The following LCP1 variants were observed in gnomAD, a reference collection of about 807,000 sequenced individuals.
LCP1 encodes the protein lymphocyte cytosolic protein 1.
A neutral mutation model predicts 72.0 loss-of-function variants in LCP1; 23 were observed. The observed-to-expected ratio is 0.32, with a 90% confidence interval of 0.23 to 0.45. The LOEUF (loss-of-function observed/expected upper bound fraction) is 0.45, where lower values mean the gene tolerates loss of function less well. Among genes scored for constraint, LCP1 ranks in the 20% least tolerant of loss-of-function variants. The pLI is 1.00. For synonymous variants in LCP1, 245 were observed against 275.4 expected (o/e 0.89, Z 1.09); for missense variants, 571 against 748.3 (o/e 0.76, Z 2.76).
chr13:46,162,279 C>G (rs1370042450), intron 1 of LCP1, among the ~76,000 whole-genome samples: 1 of 128,228 alleles, frequency 7.8e-6, no homozygotes, highest in Non-Finnish European at 1.6e-5. Flanking sequence ...CCCCCTCCCC[C>G]TCCCTCTCCC....
intron 10 of LCP1, 123 bp downstream of exon 10, chr13:46,146,785 G>A (rs2045733194): frequency 1.2e-5 from 11 of 945,710 alleles, no homozygotes; most frequent in Middle Eastern, 2.4e-4. Context: ...TTGCATACCA[G>A]AGAATTAATG....
chr13:46,147,376 T>A (rs750285917), intron 9 of LCP1, among the ~76,000 whole-genome samples: 1 of 152,234 alleles, frequency 6.6e-6, no homozygotes, highest in Non-Finnish European at 1.5e-5. Flanking sequence ...TCAAAAGAGA[T>A]GCAGTAGATT....
At chr13:46,154,741 A>G (rs1455111884) in intron 6 of LCP1, 64 bp downstream of exon 6, 2 of 1,353,986 alleles carry the variant, frequency 1.5e-6, no homozygotes, top group Non-Finnish European at 2.1e-6. Context: ...AGGCGGACTC[A>G]GCAGTTATGA....
chr13:46,159,073 G>T, intron 2 of LCP1, 84 bp from the exon 3 acceptor site: 1 of 1,248,388 alleles, frequency 8.0e-7, no homozygotes. Context: ...GATGGAAGGT[G>T]AAGGGACGAG....
chr13:46,156,891 G>C (rs148043429), intron 4 of LCP1, among the ~76,000 whole-genome samples: 1 of 149,496 alleles, frequency 6.7e-6, no homozygotes, highest in Non-Finnish European at 1.5e-5. Flanking sequence ...GCGCGATCTC[G>C]GCTCACTGCA....
At chr13:46,146,756 A>G (rs1772016045) in intron 10 of LCP1, 152 bp downstream of exon 10, 1 of 758,012 alleles carries the variant, frequency 1.3e-6, no homozygotes, top group Non-Finnish European at 2.3e-6. Flanking sequence ...TGACTTGATG[A>G]ATCTATTTAT....
chr13:46,148,783 T>G, intron 8 of LCP1: 1 of 880,804 alleles, frequency 1.1e-6, no homozygotes, highest in Non-Finnish European at 1.4e-6. Context: ...TATATATACC[T>G]TTATATTGCT....
At chr13:46,140,829 TG>T (rs1452697484) in intron 13 of LCP1, among the ~76,000 whole-genome samples, 1 of 152,128 alleles carries the variant, frequency 6.6e-6, no homozygotes, top group African/African-American at 2.4e-5. Flanking sequence ...GTACACTGGA[TG>T]GAGTTAATGG....
intron 13 of LCP1, among the ~76,000 whole-genome samples, chr13:46,135,462 T>G (rs2045659414): frequency 6.6e-6 from 1 of 152,216 alleles, no homozygotes; most frequent in African/African-American, 2.4e-5. Flanking sequence ...TTCCTGCTCC[T>G]ATGGACAGTA....
At chr13:46,128,344 A>G (rs2045612469) in intron 15 of LCP1, among the ~76,000 whole-genome samples, 1 of 152,170 alleles carries the variant, frequency 6.6e-6, no homozygotes, top group Non-Finnish European at 1.5e-5. Flanking sequence ...CACGCCTGTA[A>G]TCCCAACACT....
chr13:46,146,374 A>G (rs1369075847), intron 10 of LCP1, among the ~76,000 whole-genome samples: 5 of 152,244 alleles, frequency 3.3e-5, no homozygotes, highest in Admixed American at 3.3e-4. Flanking sequence ...TCTACCTGGT[A>G]GAACGTAATT....
rs74074069 is a variant in LCP1, at chr13:46,176,497, A to T, written c.-25+5614T>A. 5.6e-3 allele frequency among the ~76,000 whole-genome samples: 858 copies of T among 152,336 alleles called. 9 individuals are homozygous for T. The highest frequency in any genetic ancestry group is 0.02 in the African/African-American group (822 of 41,568). On this transcript the variant is annotated intron_variant, in intron 1 of 15. Transcript: ENST00000323076. ...CCACTTCTAATTTTAAACTTTGCCTAAGGAATGCTGAATAGGGAAAATATG... is the reference window on the plus strand; with the variant it reads ...CCACTTCTAATTTTAAACTTTGCCTTAGGAATGCTGAATAGGGAAAATATG...
At chr13:46,152,183 TTCTC>T (rs570037980) in intron 7 of LCP1, among the ~76,000 whole-genome samples, 40 of 152,132 alleles carry the variant, frequency 2.6e-4, no homozygotes, top group African/African-American at 5.3e-4. Flanking sequence ...CTTTCTTCAT[TTCTC>T]TCTCTATCTC....
At chr13:46,181,864 C>A (rs1008593063) in intron 1 of LCP1, among the ~76,000 whole-genome samples, 1 of 152,146 alleles carries the variant, frequency 6.6e-6, no homozygotes, top group African/African-American at 2.4e-5. Context: ...TAATTTTGGG[C>A]AGGGGTGATA....
chr13:46,177,924 T>TA (rs34261721), intron 1 of LCP1, among the ~76,000 whole-genome samples: 84,350 of 151,710 alleles, frequency 0.56, 23,628 homozygotes, highest in East Asian at 0.77. Flanking sequence ...ATAATTTGTT[T>TA]ATAAAAGCAC....
chr13:46,178,462 C>T (rs1464702635), intron 1 of LCP1, among the ~76,000 whole-genome samples: 2 of 152,132 alleles, frequency 1.3e-5, no homozygotes, highest in Admixed American at 1.3e-4. Flanking sequence ...ACGGCCACAG[C>T]AGCTATAGGG....
At chr13:46,162,146 T>G (rs899965887) in intron 1 of LCP1, among the ~76,000 whole-genome samples, 2 of 151,940 alleles carry the variant, frequency 1.3e-5, no homozygotes, top group African/African-American at 4.8e-5. Flanking sequence ...CCCAAGTCTT[T>G]TCTCCTCTCC....
Position 46,127,573 on chromosome 13 carries a change from A to C in LCP1, c.*18T>G. 1 of 1,613,814 alleles carries C rather than the reference A, an allele frequency of 6.2e-7. No homozygotes were observed. Among genetic ancestry groups the C allele is most frequent in the Non-Finnish European group, 8.5e-7 (1 of 1,179,912 alleles). ...GTCAGGAGTGAGTGCACCGCCTCCC[A>C]CCCAGCCCCATTGGGCCTCACACCC... is the stretch of plus-strand genomic sequence containing the variant. On this transcript the variant is annotated 3_prime_UTR_variant, in exon 16 of 16. Transcript: ENST00000323076.
chr13:46,153,472 G>A (rs1197202853), intron 6 of LCP1, among the ~76,000 whole-genome samples: 1 of 152,108 alleles, frequency 6.6e-6, no homozygotes, highest in Non-Finnish European at 1.5e-5. Flanking sequence ...AGGTCAAGGC[G>A]GGTGGATCAC....
Sources: allele counts gnomAD v4.1 joint callset (sites outside exome capture counted in the v4.1 genomes callset), GRCh38; gene constraint gnomAD v4.1.1; transcripts MANE v1.5; gene names NCBI Gene and HGNC (gene_info 2026-07-23, HGNC 2026-07-21).